Variants in ZBTB20 observed in about 807,000 individuals in gnomAD.
ZBTB20 encodes zinc finger and BTB domain containing 20, also known as zinc finger and BTB domain-containing protein 20.
ZBTB20 carries 9 observed loss-of-function variants against 56.9 expected under a neutral mutation model. That is an observed-to-expected ratio of 0.16 (90% CI 0.10 to 0.28). ZBTB20 has a LOEUF of 0.28. Ranked by LOEUF, ZBTB20 falls within the 10% of genes least tolerant of loss-of-function variation. The pLI, the probability that ZBTB20 is intolerant of heterozygous loss-of-function variation, is 1.00. For missense variants in ZBTB20, 655 were observed against 1,003.0 expected (o/e 0.65, Z 4.69); for synonymous variants, 417 against 420.7 (o/e 0.99, Z 0.11).
At chr3:114,577,989 T>C (rs960220706) in intron 6 of ZBTB20, among the ~76,000 whole-genome samples, 1 of 152,172 alleles carries the variant, frequency 6.6e-6, no homozygotes, top group African/African-American at 2.4e-5. Context: ...TAACATTCAC[T>C]CCAGATAAAT....
intron 6 of ZBTB20, among the ~76,000 whole-genome samples, chr3:114,610,968 AT>A (rs2057506815): frequency 6.6e-6 from 1 of 152,178 alleles, no homozygotes; most frequent in Non-Finnish European, 1.5e-5. Flanking sequence ...AAATTTTGGA[AT>A]TGTCCAAAGA....
intron 3 of ZBTB20, among the ~76,000 whole-genome samples, chr3:114,938,213 T>C (rs2076612522): frequency 6.8e-6 from 1 of 146,438 alleles, no homozygotes; most frequent in African/African-American, 2.8e-5. Flanking sequence ...TTTTCTCCCA[T>C]TCTGTAAGTC....
rs554365805 is a variant in ZBTB20, at chr3:114,543,179, A to G, written c.-294-42788T>C. 5.3e-5 allele frequency among the ~76,000 whole-genome samples: 8 copies of G among 152,292 alleles called. No homozygotes were observed. In the East Asian group the frequency reaches 1.2e-3, roughly 22 times the overall value. ...ACTTCTCACCATCTTTAGGTTACCT[A>G]TAATATCTAATACAATAAACACTAG... On this transcript the variant is annotated intron_variant, in intron 6 of 11. Transcript: ENST00000675478.
chr3:114,885,381 G>A (rs918964289), intron 4 of ZBTB20, among the ~76,000 whole-genome samples: 2 of 151,956 alleles, frequency 1.3e-5, no homozygotes, highest in African/African-American at 4.8e-5. Flanking sequence ...CCCTGCCTCC[G>A]GATTACCAGC....
intron 7 of ZBTB20, among the ~76,000 whole-genome samples, chr3:114,461,301 C>A (rs187475378): frequency 9.9e-5 from 15 of 151,068 alleles, no homozygotes; most frequent in South Asian, 2.1e-4. Context: ...TCTCCTCCCC[C>A]CCCCCTCTTT....
intron 4 of ZBTB20, among the ~76,000 whole-genome samples, chr3:114,838,566 A>G (rs2108987921): frequency 6.6e-6 from 1 of 152,232 alleles, no homozygotes; most frequent in East Asian, 1.9e-4. Flanking sequence ...AAAGTCTCTG[A>G]AAAGTTAAAA....
chr3:114,544,645 A>C (rs1467625878), intron 6 of ZBTB20, among the ~76,000 whole-genome samples: 6 of 151,886 alleles, frequency 4.0e-5, no homozygotes, highest in Admixed American at 3.9e-4. Context: ...CTGGAACTAC[A>C]GGCACATGCC....
At chr3:114,908,772 G>T (rs1172068591) in intron 3 of ZBTB20, among the ~76,000 whole-genome samples, 2 of 151,878 alleles carry the variant, frequency 1.3e-5, no homozygotes, top group East Asian at 3.9e-4. Context: ...AATATACAGA[G>T]ATTTATAGAA....
intron 4 of ZBTB20, among the ~76,000 whole-genome samples, chr3:114,866,701 G>T (rs988043455): frequency 2.6e-5 from 4 of 152,254 alleles, no homozygotes; most frequent in South Asian, 2.1e-4. Flanking sequence ...GACAGCCTTT[G>T]AGCTGGAACA....
At chr3:115,069,733 A>T (rs2108506597) in intron 2 of ZBTB20, among the ~76,000 whole-genome samples, 1 of 152,232 alleles carries the variant, frequency 6.6e-6, no homozygotes, top group African/African-American at 2.4e-5. Context: ...AGTATACATA[A>T]ACACTACAAC....
At chr3:114,585,470 G>C (rs930709974) in intron 6 of ZBTB20, among the ~76,000 whole-genome samples, 1 of 152,118 alleles carries the variant, frequency 6.6e-6, no homozygotes, top group South Asian at 2.1e-4. Flanking sequence ...ATACACAGCC[G>C]TATGTGCACA....
At chr3:114,511,985 G>C (rs1422780878) in intron 6 of ZBTB20, among the ~76,000 whole-genome samples, 1 of 152,040 alleles carries the variant, frequency 6.6e-6, no homozygotes, top group African/African-American at 2.4e-5. Context: ...AAAAAATAGG[G>C]TTGTTGTGAT....
intron 3 of ZBTB20, among the ~76,000 whole-genome samples, chr3:114,920,174 A>T: frequency 6.6e-6 from 1 of 152,234 alleles, no homozygotes; most frequent in Non-Finnish European, 1.5e-5. Context: ...CAGTATAATA[A>T]TAGTAAAAGA....
chr3:115,060,207 T>G (rs1461973102), intron 2 of ZBTB20, among the ~76,000 whole-genome samples: 1 of 152,194 alleles, frequency 6.6e-6, no homozygotes, highest in Non-Finnish European at 1.5e-5. Flanking sequence ...GTTCAAATCC[T>G]GACCCAACTA....
At chr3:114,864,454 A>AT (rs1166135561) in intron 4 of ZBTB20, among the ~76,000 whole-genome samples, 1 of 148,380 alleles carries the variant, frequency 6.7e-6, no homozygotes. Context: ...TTTCTTAAGT[A>AT]TTTTTTCCTT....
chr3:114,385,790 C>G (rs1325950686), intron 8 of ZBTB20, among the ~76,000 whole-genome samples: 1 of 152,098 alleles, frequency 6.6e-6, no homozygotes, highest in Non-Finnish European at 1.5e-5. Context: ...TTGCTTGAAC[C>G]CGGGAGTGCA....
intron 6 of ZBTB20, among the ~76,000 whole-genome samples, chr3:114,625,567 G>T (rs1028906446): frequency 2.0e-5 from 3 of 152,114 alleles, no homozygotes; most frequent in Admixed American, 6.6e-5. Flanking sequence ...TATATAGCCT[G>T]TATGAAATGG....
chr3:114,486,838 A>G (rs1157203573), intron 7 of ZBTB20, among the ~76,000 whole-genome samples: 1 of 152,216 alleles, frequency 6.6e-6, no homozygotes, highest in Non-Finnish European at 1.5e-5. Context: ...TGTGAGAGGT[A>G]AGGTGACCTG....
At chr3:115,125,460 G>A (rs951588485) in intron 1 of ZBTB20, among the ~76,000 whole-genome samples, 6 of 152,080 alleles carry the variant, frequency 3.9e-5, no homozygotes, top group Admixed American at 3.3e-4. Flanking sequence ...ACTATACCAA[G>A]TGAAATAATC....
Sources: gnomAD v4.1 joint callset for allele counts (sites outside exome capture counted in the v4.1 genomes callset) on GRCh38, gnomAD v4.1.1 for gene constraint, MANE v1.5 for transcripts, NCBI Gene and HGNC (gene_info 2026-07-23, HGNC 2026-07-21) for gene names.